SGCD: variants seen among roughly 807,000 people sequenced by gnomAD.
The protein encoded by SGCD is sarcoglycan delta.
In SGCD, 18 loss-of-function variants were observed where a neutral mutation model predicts 36.6. The observed-to-expected ratio is 0.49, with a 90% CI of 0.34 to 0.73. SGCD has a LOEUF of 0.73. Among genes scored for constraint, SGCD ranks in the 30% least tolerant of loss-of-function variants. SGCD has a pLI of 0.01. For synonymous variants in SGCD, 133 were observed against 130.6 expected, an observed-to-expected ratio of 1.02 and a Z score of -0.12; for missense variants, 387 against 346.7, an observed-to-expected ratio of 1.12 and a Z score of -0.92.
chr5:156,413,150 A>G (rs576187782), intron 3 of SGCD, among the ~76,000 whole-genome samples: 1 of 152,214 alleles, frequency 6.6e-6, no homozygotes, highest in Non-Finnish European at 1.5e-5. Flanking sequence ...GTAAAATAAT[A>G]AACAGGAATG....
the SGCD span, among the ~76,000 whole-genome samples, chr5:155,784,069 G>A: frequency 5.4e-4 from 82 of 152,212 alleles, no homozygotes; most frequent in African/African-American, 1.9e-3. Flanking sequence ...CTCAGAAAGG[G>A]CCTTCTAGTC....
At chr5:156,452,862 C>T (rs968397735) in intron 3 of SGCD, among the ~76,000 whole-genome samples, 1 of 151,850 alleles carries the variant, frequency 6.6e-6, no homozygotes, top group Non-Finnish European at 1.5e-5. Flanking sequence ...AATAGTTGCA[C>T]AAGAATGGAA....
chr5:156,075,432 G>T (rs558160763), intron 1 of SGCD, among the ~76,000 whole-genome samples: 2 of 152,238 alleles, frequency 1.3e-5, no homozygotes, highest in South Asian at 4.1e-4. Flanking sequence ...GATGCACAGA[G>T]GTAGTCTATA....
chr5:156,410,882 T>C (rs1354198073), intron 3 of SGCD, among the ~76,000 whole-genome samples: 1 of 152,074 alleles, frequency 6.6e-6, no homozygotes, highest in Non-Finnish European at 1.5e-5. Flanking sequence ...TCCCTTCTTC[T>C]TCTCCCTGGA....
chr5:155,745,495 A>G, the SGCD span, among the ~76,000 whole-genome samples: 1 of 151,996 alleles, frequency 6.6e-6, no homozygotes, highest in African/African-American at 2.4e-5. Context: ...TTATTAAAGG[A>G]TTGTTAATTT....
intron 1 of SGCD, among the ~76,000 whole-genome samples, chr5:155,970,068 G>A (rs1409508032): frequency 3.3e-5 from 5 of 151,858 alleles, no homozygotes; most frequent in Admixed American, 1.3e-4. Context: ...GATACCATAA[G>A]CCTCAGGCCT....
the SGCD span, among the ~76,000 whole-genome samples, chr5:155,801,450 G>A: frequency 6.6e-6 from 1 of 152,112 alleles, no homozygotes; most frequent in Non-Finnish European, 1.5e-5. Flanking sequence ...GGGTTTTATA[G>A]ATCTGCAATT....
At chr5:156,192,549 G>A (rs922977915) in intron 3 of SGCD, among the ~76,000 whole-genome samples, 2 of 152,022 alleles carry the variant, frequency 1.3e-5, no homozygotes, top group Non-Finnish European at 2.9e-5. Context: ...AAGTTCTAAC[G>A]TTTGACAGTA....
the SGCD span, among the ~76,000 whole-genome samples, chr5:155,807,841 G>A: frequency 3.9e-5 from 6 of 152,306 alleles, no homozygotes; most frequent in Middle Eastern, 3.4e-3. Context: ...TATGGAGAGA[G>A]GATAGTTTTC....
chr5:156,402,053 CAT>C (rs1368183638), intron 3 of SGCD, among the ~76,000 whole-genome samples: 1 of 152,192 alleles, frequency 6.6e-6, no homozygotes, highest in Non-Finnish European at 1.5e-5. Context: ...TTTCACTTAA[CAT>C]AATGTCATGA....
At chr5:155,793,864 A>C in the SGCD span, among the ~76,000 whole-genome samples, 1 of 151,538 alleles carries the variant, frequency 6.6e-6, no homozygotes, top group South Asian at 2.1e-4. Flanking sequence ...GTCAGTTTTT[A>C]GATAGAAAAA....
At chr5:155,936,958 A>G (rs1209616759) in intron 1 of SGCD, among the ~76,000 whole-genome samples, 4 of 152,138 alleles carry the variant, frequency 2.6e-5, no homozygotes, top group Non-Finnish European at 5.9e-5. Flanking sequence ...AGGCTGCAAC[A>G]GCACCCAGGA....
chr5:156,756,600 T>C (rs1757343766), intron 7 of SGCD, among the ~76,000 whole-genome samples: 1 of 152,236 alleles, frequency 6.6e-6, no homozygotes, highest in Admixed American at 6.5e-5. Flanking sequence ...GTTAATGTTT[T>C]TCTCATTATA....
At chr5:156,190,891 G>C (rs1010893717) in intron 3 of SGCD, among the ~76,000 whole-genome samples, 9 of 151,948 alleles carry the variant, frequency 5.9e-5, no homozygotes, top group Admixed American at 1.3e-4. Flanking sequence ...TATAAAATTA[G>C]CTTCTGAGAA....
At chr5:156,289,640 A>T (rs754206734) in intron 3 of SGCD, among the ~76,000 whole-genome samples, 1 of 151,734 alleles carries the variant, frequency 6.6e-6, no homozygotes, top group Non-Finnish European at 1.5e-5. Context: ...TCTTTGAGAA[A>T]TCCTGCTGTA....
At chr5:155,963,826 T>G (rs900411839) in intron 1 of SGCD, among the ~76,000 whole-genome samples, 1 of 152,080 alleles carries the variant, frequency 6.6e-6, no homozygotes, top group Non-Finnish European at 1.5e-5. Flanking sequence ...AATTTATCTT[T>G]TTTTGTATTA....
At chr5:156,646,672 G>A (rs1763237413) in intron 6 of SGCD, among the ~76,000 whole-genome samples, 1 of 152,158 alleles carries the variant, frequency 6.6e-6, no homozygotes, top group Non-Finnish European at 1.5e-5. Context: ...TCAAAGTACA[G>A]GATACTGCCT....
intron 4 of SGCD, among the ~76,000 whole-genome samples, chr5:156,564,456 A>G (rs1759396178): frequency 6.6e-6 from 1 of 152,144 alleles, no homozygotes; most frequent in Admixed American, 6.5e-5. Flanking sequence ...TCTCAAAACA[A>G]AACAAAACAA....
At chr5:156,652,135 T>G (rs984150932) in intron 7 of SGCD, among the ~76,000 whole-genome samples, 1 of 152,102 alleles carries the variant, frequency 6.6e-6, no homozygotes, top group African/African-American at 2.4e-5. Flanking sequence ...ATTGAAGTCA[T>G]TTCAGTCCTA....
Sources: gnomAD v4.1 joint callset for allele counts (sites outside exome capture counted in the v4.1 genomes callset) on GRCh38, gnomAD v4.1.1 for gene constraint, MANE v1.5 for transcripts, NCBI Gene and HGNC (gene_info 2026-07-23, HGNC 2026-07-21) for gene names.